Variants in ICE1 observed in about 807,000 individuals in gnomAD.
ICE1 encodes little elongation complex subunit 1.
In ICE1, 64 loss-of-function variants were observed where a neutral mutation model predicts 192.7. That is an observed-to-expected ratio of 0.33 (90% CI 0.27 to 0.41). The LOEUF (loss-of-function observed/expected upper bound fraction) is 0.41, where lower values mean the gene tolerates loss of function less well. Ranked by LOEUF, ICE1 falls within the 10% of genes least tolerant of loss-of-function variation. The probability of loss-of-function intolerance (pLI) is 1.00; values close to 1 mark genes in which losing one functional copy is unlikely to be tolerated. For synonymous variants in ICE1, 1,010 were observed against 984.5 expected (o/e 1.03, Z -0.49); for missense variants, 2,708 against 2,696.0 (o/e 1.00, Z -0.10).
At chr5:5,434,161 C>A (rs1737802458) in intron 1 of ICE1, among the ~76,000 whole-genome samples, 1 of 152,132 alleles carries the variant, frequency 6.6e-6, no homozygotes, top group Non-Finnish European at 1.5e-5. Context: ...ACATGAAAAT[C>A]TTTTAGCAGA....
In ICE1 at chr5:5,489,272, C is replaced by G. The variant is rs200365366; in HGVS notation, c.6743C>G (p.Ser2248Cys). ...WRREASKSVP[S>C]AIVSCLEEVS... is the part of the protein sequence containing the mutation. ...AGAGAGGCCTCCAAAAGCGTTCCGT[C>G]TGCGATTGTCAGCTGCCTAGAGGAA... Residue 2248 changes from serine to cysteine, a missense_variant, in exon 19 of 19, where the codon TCT (serine) becomes TGT (cysteine). Ser to Cys is a moderately radical substitution (Grantham distance 112, BLOSUM62 -1). Around this residue, in one of 2 missense-constraint regions of ICE1, gnomAD observed 342 missense variants for 419.3 expected, o/e 0.82. Coordinates refer to ENST00000296564, the MANE Select transcript of ICE1 (RefSeq NM_015325.3). The G allele has an allele frequency of 8.1e-6, 13 of 1,613,742 alleles. No individual in the cohort carries two copies. Among genetic ancestry groups the G allele is most frequent in the Middle Eastern group, 1.6e-4 (1 of 6,062 alleles).
rs780440698 is a variant in ICE1, at chr5:5,436,495, C to T, written c.143+19C>T. On this transcript the variant is annotated intron_variant, in intron 2 of 18. Coordinates refer to ENST00000296564, the MANE Select transcript of ICE1 (RefSeq NM_015325.3). ...ATACAGAGTAAGTATATTTGCATGT[C>T]GTTTGGCAGAACTTTGTAAACCTGA... The T allele has an allele frequency of 7.8e-6, 11 of 1,411,866 alleles. No individual in the cohort carries two copies. Among genetic ancestry groups the T allele is most frequent in the African/African-American group, 1.5e-5 (1 of 66,820 alleles). The allele number at this position is 1,411,866 out of a possible 1,614,324, so 87.5% of individuals were successfully genotyped here.
At chr5:5,425,810 A>G (rs1364487972) in intron 1 of ICE1, among the ~76,000 whole-genome samples, 1 of 152,230 alleles carries the variant, frequency 6.6e-6, no homozygotes, top group Non-Finnish European at 1.5e-5. Context: ...TATTTTACTA[A>G]TACATAATAG....
chr5:5,445,772 G>A (rs183542871), intron 7 of ICE1, among the ~76,000 whole-genome samples: 12 of 150,768 alleles, frequency 8.0e-5, no homozygotes, highest in Middle Eastern at 3.4e-3. Context: ...TCGCTCTGTC[G>A]CCTAGACTGG....
At chr5:5,484,725 A>C (rs1368546866) in intron 17 of ICE1, among the ~76,000 whole-genome samples, 1 of 152,230 alleles carries the variant, frequency 6.6e-6, no homozygotes, top group Admixed American at 6.5e-5. Context: ...GATACAAAGT[A>C]ATGCAAATTA....
intron 3 of ICE1, among the ~76,000 whole-genome samples, chr5:5,438,558 A>G (rs939031980): frequency 1.3e-5 from 2 of 152,232 alleles, no homozygotes; most frequent in African/African-American, 4.8e-5. Context: ...TGAAAGGTGT[A>G]TGGAAACAAT....
chr5:5,485,745 C>A (rs761715450), intron 17 of ICE1, among the ~76,000 whole-genome samples: 9 of 152,154 alleles, frequency 5.9e-5, no homozygotes, highest in Non-Finnish European at 1.0e-4. Context: ...GCCAACAATA[C>A]CCAAAAATCA....
At chr5:5,476,143 G>GGT in intron 17 of ICE1, 64 bp downstream of exon 17, 1 of 885,930 alleles carries the variant, frequency 1.1e-6, no homozygotes, top group Non-Finnish European at 1.7e-6. Context: ...AGGCTGGGGG[G>GGT]TTAACTGTAT....
intron 1 of ICE1, 135 bp downstream of exon 1, chr5:5,423,134 G>A (rs535824814): frequency 7.8e-5 from 35 of 448,916 alleles, no homozygotes; most frequent in Admixed American, 4.1e-4. Context: ...GCTCTTGCTC[G>A]CTCGTCTCTC....
Position 5,460,753 on chromosome 5 carries a change from TAGAAAA to T in ICE1, c.1423_1428del (p.Lys475_Arg476del). On this transcript the variant is annotated inframe_deletion, in exon 13 of 19. Transcript: ENST00000296564. ...CCACAGCATCTCGATCCATGAGTGA[TAGAAAA>T]AGAGACATTTTACATGAGACAAAAA... The T allele has an allele frequency of 1.2e-6, 2 of 1,613,980 alleles. No homozygotes were observed. The highest frequency in any genetic ancestry group is 1.7e-6 in the Non-Finnish European group (2 of 1,179,890).
chr5:5,449,351 T>G (rs1738344716), intron 10 of ICE1, among the ~76,000 whole-genome samples: 1 of 152,136 alleles, frequency 6.6e-6, no homozygotes, highest in Non-Finnish European at 1.5e-5. Flanking sequence ...TGGAAAAGAT[T>G]TGCAAAGTAA....
chr5:5,483,046 A>G (rs573471224), intron 17 of ICE1, among the ~76,000 whole-genome samples: 5 of 152,160 alleles, frequency 3.3e-5, no homozygotes, highest in African/African-American at 9.6e-5. Context: ...GCTGGAGTGC[A>G]ATGGCGTGAT....
rs747107088 is a variant in ICE1 at position 5,447,546 on chromosome 5, C to T, written c.507+37C>T. 30 of 1,482,580 alleles carry T rather than the reference C, an allele frequency of 2.0e-5. No individual in the cohort carries two copies. The East Asian group carries it at 2.2e-4, about 11-fold the overall frequency. 91.8% of individuals were successfully genotyped at this position (1,482,580 alleles called of 1,614,324 possible). On this transcript the variant is annotated intron_variant, in intron 8 of 18. Transcript: ENST00000296564. Reference sequence around the variant, plus strand: ...AAGCAGCATACACACACCTTAAATACGTGGCTCCAGGGTCTCTGTAGTGTC... The same window carrying T: ...AAGCAGCATACACACACCTTAAATATGTGGCTCCAGGGTCTCTGTAGTGTC...
chr5:5,452,450 A>G (rs571478554), intron 10 of ICE1, among the ~76,000 whole-genome samples: 1 of 152,216 alleles, frequency 6.6e-6, no homozygotes, highest in Non-Finnish European at 1.5e-5. Context: ...GAACCAGCAG[A>G]TGTCTAAGAA....
At chr5:5,488,260 T>A (rs915153091) in intron 18 of ICE1, among the ~76,000 whole-genome samples, 1 of 152,252 alleles carries the variant, frequency 6.6e-6, no homozygotes, top group Middle Eastern at 3.2e-3. Context: ...TAGTTTACCT[T>A]GTTGGAGAAA....
At chr5:5,458,618 T>C (rs1738656141) in intron 12 of ICE1, among the ~76,000 whole-genome samples, 1 of 152,132 alleles carries the variant, frequency 6.6e-6, no homozygotes, top group African/African-American at 2.4e-5. Context: ...CTCACAAGAA[T>C]GTAGAAGCAA....
chr5:5,463,528 A>C lies in ICE1; in HGVS notation c.4194A>C (p.Ile1398=), dbSNP rs765156748. 1 of 1,613,826 alleles carries C rather than the reference A, an allele frequency of 6.2e-7. No individual in the cohort carries two copies. Among genetic ancestry groups the C allele is most frequent in the Admixed American group, 1.7e-5 (1 of 59,984 alleles). Residue 1398 remains isoleucine (I), a synonymous_variant, in exon 13 of 19, where the codon ATA becomes ATC. Transcript: ENST00000296564. The stretch of plus-strand genomic sequence containing the variant: ...CCGAAACAACATTTCAGTGTCAGAT[A>C]GCAACAGTGACCTCAGAAGTTATAA... The part of the protein sequence containing the change: ...CEAETTFQCQ[I]ATVTSEVINV...
intron 17 of ICE1, among the ~76,000 whole-genome samples, chr5:5,484,920 A>G (rs1180419576): frequency 6.6e-6 from 1 of 152,190 alleles, no homozygotes; most frequent in Non-Finnish European, 1.5e-5. Context: ...TCTCCTACTT[A>G]GGAGTCAAAA....
chr5:5,458,258 A>G (rs780758817), intron 12 of ICE1, among the ~76,000 whole-genome samples: 2 of 152,206 alleles, frequency 1.3e-5, no homozygotes, highest in Non-Finnish European at 2.9e-5. Flanking sequence ...AGGAACAGAT[A>G]TGTGTTTTGC....
Sources: allele counts gnomAD v4.1 joint callset (sites outside exome capture counted in the v4.1 genomes callset), GRCh38; gene constraint gnomAD v4.1.1; regional missense constraint gnomAD v4.1.1; transcripts MANE v1.5; gene names NCBI Gene and HGNC (gene_info 2026-07-23, HGNC 2026-07-21).